The following PCDH15 variants were observed in gnomAD, a reference collection of about 807,000 sequenced individuals.
PCDH15 encodes protocadherin related 15.
In PCDH15, 129 loss-of-function variants were observed where a neutral mutation model predicts 178.5. That is an observed-to-expected ratio of 0.72 (90% CI 0.63 to 0.84). PCDH15 has a LOEUF of 0.84. Ranked by LOEUF, PCDH15 falls within the 40% of genes least tolerant of loss-of-function variation. The pLI, the probability that PCDH15 is intolerant of heterozygous loss-of-function variation, is 0.00. For synonymous variants in PCDH15, 800 were observed against 732.0 expected (o/e 1.09, Z -1.50); for missense variants, 2,230 against 2,099.9 (o/e 1.06, Z -1.21).
rs1320271450 is a variant in PCDH15, at chr10:54,170,113, T to C, written c.1590+13331A>G. On this transcript the variant is annotated intron_variant, in intron 13 of 37. Transcript: ENST00000644397. ...GCTCAGCAAATTACCTAGGCTGTAC[T>C]GCCACAAAGCTTCACAGGCAGCCCC... Among the ~76,000 whole-genome samples, 8 of 117,992 alleles carry C rather than the reference T, an allele frequency of 6.8e-5. No homozygotes were observed. In the Middle Eastern group the frequency reaches 0.013, roughly 192 times the overall value. The allele number at this position is 117,992 out of a possible 152,430, so 77.4% of individuals were successfully genotyped here.
chr10:53,986,214 C>T (rs868856311), intron 21 of PCDH15, among the ~76,000 whole-genome samples: 4 of 151,974 alleles, frequency 2.6e-5, no homozygotes, highest in African/African-American at 9.7e-5. Flanking sequence ...GCCAACAGTA[C>T]ATAAAAATGT....
At chr10:55,561,427 G>C (rs1257143427) in intron 2 of PCDH15, among the ~76,000 whole-genome samples, 1 of 151,816 alleles carries the variant, frequency 6.6e-6, no homozygotes, top group Non-Finnish European at 1.5e-5. Flanking sequence ...TTATCCAAAA[G>C]TTGTCTGTAT....
At chr10:55,580,957 T>C (rs1842602300) in intron 2 of PCDH15, among the ~76,000 whole-genome samples, 1 of 152,182 alleles carries the variant, frequency 6.6e-6, no homozygotes, top group South Asian at 2.1e-4. Flanking sequence ...CTCCCCCTTT[T>C]TCCTTTTCCT....
intron 26 of PCDH15, among the ~76,000 whole-genome samples, chr10:53,880,746 T>C (rs891596326): frequency 6.6e-6 from 1 of 152,198 alleles, no homozygotes; most frequent in African/African-American, 2.4e-5. Flanking sequence ...AAAGTAATTA[T>C]TACCAAACAA....
intron 2 of PCDH15, among the ~76,000 whole-genome samples, chr10:54,584,195 C>A (rs2091280406): frequency 6.6e-6 from 1 of 151,924 alleles, no homozygotes; most frequent in Non-Finnish European, 1.5e-5. Context: ...CCACTCTGGG[C>A]AACATAACAA....
chr10:54,716,306 G>A (rs1323013103), intron 1 of PCDH15, among the ~76,000 whole-genome samples: 1 of 152,074 alleles, frequency 6.6e-6, no homozygotes, highest in Admixed American at 6.6e-5. Context: ...ACCACAGGTG[G>A]CTCATACCCA....
chr10:54,043,320 C>T (rs2093589200), intron 18 of PCDH15, among the ~76,000 whole-genome samples: 2 of 152,086 alleles, frequency 1.3e-5, no homozygotes, highest in Non-Finnish European at 2.9e-5. Context: ...TCCATATCCA[C>T]AGACAATGAC....
chr10:54,844,459 C>T (rs572358864), intron 3 of PCDH15, among the ~76,000 whole-genome samples: 1 of 151,894 alleles, frequency 6.6e-6, no homozygotes, highest in African/African-American at 2.4e-5. Context: ...ATATGCTTTC[C>T]CTCACTCTTG....
intron 7 of PCDH15, among the ~76,000 whole-genome samples, chr10:54,323,058 G>A (rs2061708468): frequency 6.6e-6 from 1 of 152,086 alleles, no homozygotes; most frequent in Non-Finnish European, 1.5e-5. Context: ...CAAGGGACAT[G>A]AACAGACACT....
intron 2 of PCDH15, among the ~76,000 whole-genome samples, chr10:55,114,702 G>C (rs1837588157): frequency 6.6e-6 from 1 of 152,148 alleles, no homozygotes; most frequent in Non-Finnish European, 1.5e-5. Context: ...TAAGGATAAA[G>C]ACACAAACCT....
chr10:54,461,256 T>C (rs1225377958), intron 3 of PCDH15, among the ~76,000 whole-genome samples: 1 of 152,178 alleles, frequency 6.6e-6, no homozygotes, highest in Admixed American at 6.6e-5. Flanking sequence ...TGTGCTATTG[T>C]AGCATTAGGT....
At chr10:54,246,861 G>A (rs903131836) in intron 8 of PCDH15, among the ~76,000 whole-genome samples, 4 of 151,848 alleles carry the variant, frequency 2.6e-5, no homozygotes, top group Admixed American at 6.6e-5. Context: ...CAGTGAATAT[G>A]TATTATTATC....
chr10:54,765,275 A>C (rs1419970477), intron 1 of PCDH15, among the ~76,000 whole-genome samples: 3 of 152,168 alleles, frequency 2.0e-5, no homozygotes, highest in Non-Finnish European at 2.9e-5. Flanking sequence ...CCTTTTTAGC[A>C]AAAAATAGAA....
At chr10:55,515,010 GA>G (rs1840978717) in intron 2 of PCDH15, among the ~76,000 whole-genome samples, 1 of 110,872 alleles carries the variant, frequency 9.0e-6, no homozygotes, top group African/African-American at 3.4e-5. Flanking sequence ...TTTTTTTTGA[GA>G]TGGAGTCCCA....
At position 55,097,906 on chromosome 10, in the gene PCDH15, T is replaced by C. The variant is rs535005563; in HGVS notation, c.-80+68670A>G. Among the ~76,000 whole-genome samples the C allele has an allele frequency of 9.2e-5, 14 of 152,204 alleles. No individual in the cohort carries two copies. The South Asian group carries it at 2.9e-3, about 32-fold the overall frequency. On this transcript the variant is annotated intron_variant, in intron 2 of 5. Coordinates refer to the PCDH15 transcript ENST00000458638. ...GAAAAATTGAGTTCTTGGTAACAAG[T>C]GTATTTACAGCATCCTAAATATGAT... is the stretch of plus-strand genomic sequence containing the variant.
chr10:54,839,393 A>G (rs1398781287), intron 3 of PCDH15, among the ~76,000 whole-genome samples: 1 of 152,118 alleles, frequency 6.6e-6, no homozygotes, highest in Non-Finnish European at 1.5e-5. Flanking sequence ...AAAACAAGTA[A>G]TGAAGATCTC....
intron 2 of PCDH15, among the ~76,000 whole-genome samples, chr10:55,594,836 GT>G (rs1449681902): frequency 6.6e-6 from 1 of 151,980 alleles, no homozygotes; most frequent in Admixed American, 6.6e-5. Context: ...CACTGGACTG[GT>G]GATGTGACAA....
intron 2 of PCDH15, among the ~76,000 whole-genome samples, chr10:54,995,634 C>G (rs928841221): frequency 3.3e-5 from 5 of 151,034 alleles, no homozygotes; most frequent in African/African-American, 1.2e-4. Context: ...AACCCTCCCC[C>G]CCACGCCCCA....
rs762029000 is a variant in PCDH15 at position 54,236,883 on chromosome 10, G to A, written c.925C>T (p.Gln309Ter). ...IVTPPIQAID[Q>*]DRNIQPPSDR... ...GATGGCGGTTGAATATTCCGGTCCT[G>A]ATCAATGGCTTGGATTGGTGGCGTA... Residue 309 changes from glutamine (Q) to a stop codon, truncating the protein, a stop_gained, in exon 9 of 38, where the codon CAG (glutamine) becomes TAG (stop). Transcript: ENST00000644397. LOFTEE classifies it high-confidence loss of function. The A allele has an allele frequency of 6.2e-7, 1 of 1,613,636 alleles. No individual in the cohort carries two copies. Among genetic ancestry groups the A allele is most frequent in the Non-Finnish European group, 8.5e-7 (1 of 1,179,694 alleles).
Sources: allele counts gnomAD v4.1 joint callset (sites outside exome capture counted in the v4.1 genomes callset), GRCh38; gene constraint gnomAD v4.1.1; transcripts MANE v1.5; gene names NCBI Gene and HGNC (gene_info 2026-07-23, HGNC 2026-07-21).